SPAG16: variants seen among roughly 807,000 people sequenced by gnomAD.
SPAG16 encodes the protein sperm-associated antigen 16 protein.
Under a neutral mutation model 80.4 loss-of-function variants are expected in SPAG16, and 86 were observed. That is an observed-to-expected ratio of 1.07 (90% confidence interval 0.90 to 1.28). The LOEUF is 1.28. SPAG16 is among the 50% of genes most tolerant of loss of function. The probability of loss-of-function intolerance (pLI) is 0.00; values close to 1 mark genes in which losing one functional copy is unlikely to be tolerated. For missense variants in SPAG16, 870 were observed against 765.3 expected (o/e 1.14, Z -1.61); for synonymous variants, 294 against 265.9 (o/e 1.11, Z -1.03).
chr2:213,412,159 C>T lies in SPAG16; in HGVS notation c.942+37040C>T, dbSNP rs554526247. Reference sequence around the variant, plus strand: ...GCTCCACCCTAACACATTCTGATCACCTGCTCCACCCTAACTCATTCCAAT... The same window carrying T: ...GCTCCACCCTAACACATTCTGATCATCTGCTCCACCCTAACTCATTCCAAT... On this transcript the variant is annotated intron_variant, in intron 9 of 15. Transcript: ENST00000331683. Among the ~76,000 whole-genome samples the T allele has an allele frequency of 9.9e-5, 15 of 152,260 alleles. No homozygotes were observed. In the South Asian group the frequency reaches 3.1e-3, roughly 32 times the overall value.
At chr2:214,282,511 T>G (rs1330968809) in intron 15 of SPAG16, among the ~76,000 whole-genome samples, 1 of 152,170 alleles carries the variant, frequency 6.6e-6, no homozygotes, top group East Asian at 1.9e-4. Flanking sequence ...CAGAGGAAGC[T>G]TTATCTGGGA....
chr2:214,191,065 A>C (rs1559117661), intron 15 of SPAG16, among the ~76,000 whole-genome samples: 2 of 152,158 alleles, frequency 1.3e-5, no homozygotes, highest in African/African-American at 2.4e-5. Context: ...GGGTCAGAAA[A>C]GCCTACCTCA....
At chr2:214,084,229 C>A (rs576327835) in intron 13 of SPAG16, among the ~76,000 whole-genome samples, 20 of 152,200 alleles carry the variant, frequency 1.3e-4, no homozygotes, top group Non-Finnish European at 2.1e-4. Flanking sequence ...TCATCAAGTC[C>A]TCTCATTTGT....
intron 9 of SPAG16, among the ~76,000 whole-genome samples, chr2:213,474,195 C>T (rs567277174): frequency 1.3e-5 from 2 of 152,322 alleles, no homozygotes; most frequent in East Asian, 3.9e-4. Context: ...TGCAGGGTCC[C>T]ATTCTTTTCC....
rs569148600 is a variant in SPAG16 at position 213,489,030 on chromosome 2, C to T, written c.943-933C>T. Reference sequence around the variant, plus strand: ...GCGGAGGTTGCAGTGAGCCAAGATCCCGCCACTGCAATCCATCCTGGGCAA... The same window carrying T: ...GCGGAGGTTGCAGTGAGCCAAGATCTCGCCACTGCAATCCATCCTGGGCAA... On this transcript the variant is annotated intron_variant, in intron 9 of 15. Transcript: ENST00000331683. Among the ~76,000 whole-genome samples, 5 of 147,620 alleles carry T rather than the reference C, an allele frequency of 3.4e-5. No homozygotes were observed. The East Asian group carries it at 9.7e-4, about 29-fold the overall frequency.
chr2:213,777,887 C>G (rs2069702297), intron 10 of SPAG16, among the ~76,000 whole-genome samples: 1 of 152,108 alleles, frequency 6.6e-6, no homozygotes, highest in South Asian at 2.1e-4. Flanking sequence ...AATTGCACTC[C>G]AAGTTTTTTT....
At chr2:214,024,812 A>G (rs2048051860) in intron 13 of SPAG16, among the ~76,000 whole-genome samples, 1 of 151,632 alleles carries the variant, frequency 6.6e-6, no homozygotes, top group African/African-American at 2.4e-5. Flanking sequence ...TATTTGAATT[A>G]AATAAGGAAT....
At chr2:214,061,903 A>C (rs1173721088) in intron 13 of SPAG16, among the ~76,000 whole-genome samples, 1 of 151,792 alleles carries the variant, frequency 6.6e-6, no homozygotes, top group African/African-American at 2.4e-5. Context: ...ATAATTTAAC[A>C]CCCAACAAGA....
intron 15 of SPAG16, among the ~76,000 whole-genome samples, chr2:214,155,190 A>G (rs1013695242): frequency 6.6e-6 from 1 of 152,178 alleles, no homozygotes; most frequent in African/African-American, 2.4e-5. Flanking sequence ...TCAGCTGGCT[A>G]AGAGTGAATA....
chr2:213,492,352 C>T (rs1490652439), intron 10 of SPAG16, among the ~76,000 whole-genome samples: 1 of 151,978 alleles, frequency 6.6e-6, no homozygotes, highest in Non-Finnish European at 1.5e-5. Context: ...AGATTGAGAC[C>T]ATCCTGGCTA....
intron 9 of SPAG16, among the ~76,000 whole-genome samples, chr2:213,421,126 C>G (rs543672193): frequency 6.6e-6 from 1 of 152,194 alleles, no homozygotes; most frequent in African/African-American, 2.4e-5. Context: ...AGCTGCAGCT[C>G]TGGACCTGGG....
chr2:214,346,875 TA>T (rs1413202284), intron 15 of SPAG16, among the ~76,000 whole-genome samples: 1 of 152,140 alleles, frequency 6.6e-6, no homozygotes, highest in Non-Finnish European at 1.5e-5. Flanking sequence ...TCGACATCAT[TA>T]AAAATGGAAG....
chr2:213,412,876 A>C (rs1377185882), intron 9 of SPAG16, among the ~76,000 whole-genome samples: 1 of 152,224 alleles, frequency 6.6e-6, no homozygotes, highest in East Asian at 1.9e-4. Flanking sequence ...ATGAAAATTA[A>C]AAATATGAAT....
chr2:214,070,844 T>G (rs1386295118), intron 13 of SPAG16, among the ~76,000 whole-genome samples: 2 of 152,080 alleles, frequency 1.3e-5, no homozygotes, highest in African/African-American at 2.4e-5. Flanking sequence ...GAGAATGTTA[T>G]GCAGTTTTCT....
At chr2:214,216,357 C>A (rs1440388748) in intron 15 of SPAG16, among the ~76,000 whole-genome samples, 2 of 152,240 alleles carry the variant, frequency 1.3e-5, no homozygotes, top group East Asian at 3.9e-4. Context: ...GAGTCTTGCT[C>A]TGTCGCCAGG....
intron 10 of SPAG16, among the ~76,000 whole-genome samples, chr2:213,522,761 T>G (rs569955921): frequency 1.3e-5 from 2 of 150,806 alleles, no homozygotes; most frequent in South Asian, 4.2e-4. Context: ...TAAATGAAAT[T>G]TAAATATATT....
chr2:213,795,385 T>C (rs770631040), intron 10 of SPAG16, among the ~76,000 whole-genome samples: 1 of 152,234 alleles, frequency 6.6e-6, no homozygotes, highest in Non-Finnish European at 1.5e-5. Context: ...TAGTCATTTC[T>C]ACACTTTTAT....
chr2:214,032,131 A>C (rs914969285), intron 13 of SPAG16, among the ~76,000 whole-genome samples: 2 of 152,140 alleles, frequency 1.3e-5, no homozygotes, highest in Non-Finnish European at 2.9e-5. Context: ...TTCACCTCCC[A>C]AATAAATGAA....
intron 13 of SPAG16, among the ~76,000 whole-genome samples, chr2:214,038,373 G>T (rs2048820982): frequency 6.6e-6 from 1 of 151,974 alleles, no homozygotes; most frequent in Admixed American, 6.5e-5. Context: ...TTTCAGTTCT[G>T]TTATTTCTAC....
Sources: gnomAD v4.1 joint callset for allele counts (sites outside exome capture counted in the v4.1 genomes callset) on GRCh38, gnomAD v4.1.1 for gene constraint, MANE v1.5 for transcripts, NCBI Gene and HGNC (gene_info 2026-07-23, HGNC 2026-07-21) for gene names.